Variants in TTLL10 observed in about 807,000 individuals in gnomAD.
The protein encoded by TTLL10 is tubulin tyrosine ligase like 10, also known as inactive polyglycylase TTLL10.
A neutral mutation model predicts 69.0 loss-of-function variants in TTLL10; 61 were observed. The observed-to-expected ratio is 0.88, with a 90% CI of 0.72 to 1.09. The LOEUF is 1.09. Among genes scored for constraint, TTLL10 ranks in the 50% least tolerant of loss-of-function variants. TTLL10 has a pLI of 0.00. For synonymous variants in TTLL10, 408 were observed against 393.3 expected (o/e 1.04, Z -0.44); for missense variants, 962 against 945.9 (o/e 1.02, Z -0.22).
rs959374200 is a variant in TTLL10, at chr1:1,182,796, G to T, written c.917-80G>T. The T allele has an allele frequency of 6.8e-6, 10 of 1,467,872 alleles. No individual in the cohort carries two copies. In the African/African-American group the frequency reaches 1.4e-4, roughly 21 times the overall value. The allele number at this position is 1,467,872 out of a possible 1,614,324, so 90.9% of individuals were successfully genotyped here. A position where few individuals can be genotyped will look rare whatever the true frequency, so the allele number is the denominator to read the frequency against. ...CCGGGCCGAGGGTCGCAGCCTGGAG[G>T]GGAGGGTCCTGGTCGGGCCCTAGGA... is the stretch of plus-strand genomic sequence containing the variant. On this transcript the variant is annotated intron_variant, in intron 10 of 15. Transcript: ENST00000379289.
At position 1,185,558 on chromosome 1, in the gene TTLL10, T is replaced by C; in HGVS notation, c.1401+449T>C. 2 of 995,378 alleles carry C rather than the reference T, an allele frequency of 2.0e-6. No individual in the cohort carries two copies. The highest frequency in any genetic ancestry group is 1.2e-6 in the Non-Finnish European group (1 of 837,020). The allele number at this position is 995,378 out of a possible 1,614,324, so 61.7% of individuals were successfully genotyped here. On this transcript the variant is annotated intron_variant, in intron 13 of 15. Coordinates refer to ENST00000379289, the MANE Select transcript of TTLL10 (RefSeq NM_001130045.2). The surrounding 1 kb of genome is among the most constrained non-coding windows in gnomAD (Gnocchi z 6.1). The stretch of plus-strand genomic sequence containing the variant: ...CCATGTGCGGTGGAGTGTCCTAATT[T>C]TGCAGGGTTCCTTTCTGTGGGGGTA...
chr1:1,180,298 C>T lies in TTLL10; in HGVS notation c.464C>T (p.Pro155Leu), dbSNP rs773106045. 18 of 1,587,542 alleles carry T rather than the reference C, an allele frequency of 1.1e-5. No homozygotes were observed. Among genetic ancestry groups the T allele is most frequent in the African/African-American group, 1.3e-5 (1 of 74,292 alleles). Reference protein sequence around the residue: ...GGKPSPHSTRPGPFFYIGGSN... With the variant: ...GGKPSPHSTRLGPFFYIGGSN... ...AAGCCATCGCCCCACAGCACCCGGC[C>T]GGGGCCCTTCTTCTACATTGGAGGC... is the stretch of plus-strand genomic sequence containing the variant. The change falls in exon 6 of 16, where the codon CCG (proline) becomes CTG (leucine). Residue 155 changes from proline to leucine, a missense_variant. By Grantham distance (98) the Pro-to-Leu change is moderately conservative (BLOSUM62 -3). Coordinates refer to ENST00000379289, the MANE Select transcript of TTLL10 (RefSeq NM_001130045.2).
Position 1,191,038 on chromosome 1 carries a change from C to T in TTLL10, c.1402-5562C>T, listed in dbSNP as rs1194468123. On this transcript the variant is annotated intron_variant, in intron 13 of 15. Coordinates refer to ENST00000379289, the MANE Select transcript of TTLL10 (RefSeq NM_001130045.2). The stretch of plus-strand genomic sequence containing the variant: ...GAGATGGGGGTTTCACCATGTTGGC[C>T]AGGCTGGTCTTGAACTCCTGACCTC... Among the ~76,000 whole-genome samples the T allele has an allele frequency of 2.6e-5, 4 of 152,104 alleles. No homozygotes were observed. The East Asian group carries it at 7.7e-4, about 29-fold the overall frequency.
At position 1,185,040 on chromosome 1, in the gene TTLL10, C is replaced by T. The variant is rs888275996; in HGVS notation, c.1332C>T (p.Asn444=). ...CGGTGTGGAGCATGGAACACCTCAA[C>T]CGCTACATCAGTGACACGTTCTGGA... ...EHTVWSMEHL[N]RYISDTFWKA... Residue 444 remains asparagine (N), a synonymous_variant, in exon 13 of 16, where the codon AAC becomes AAT. Transcript: ENST00000379289. This position sits in a 1 kb window ranked among gnomAD's most constrained non-coding sequence, Gnocchi z 6.1. 1.9e-6 allele frequency: 3 copies of T among 1,613,958 alleles called. No individual in the cohort carries two copies. Among genetic ancestry groups the T allele is most frequent in the Admixed American group, 1.7e-5 (1 of 59,988 alleles).
chr1:1,189,887 T>C (rs1307719900), intron 13 of TTLL10, among the ~76,000 whole-genome samples: 3 of 151,998 alleles, frequency 2.0e-5, no homozygotes, highest in African/African-American at 7.3e-5. Flanking sequence ...CCGAGGAAGG[T>C]GGATCATGAG....
At chr1:1,191,610 G>A (rs774276310) in intron 13 of TTLL10, among the ~76,000 whole-genome samples, 4 of 152,136 alleles carry the variant, frequency 2.6e-5, no homozygotes, top group Non-Finnish European at 5.9e-5. Flanking sequence ...AGACCAGCTC[G>A]GTCGGGGAGA....
chr1:1,185,350 C>T lies in TTLL10; in HGVS notation c.1401+241C>T. On this transcript the variant is annotated intron_variant, in intron 13 of 15. Coordinates refer to ENST00000379289, the MANE Select transcript of TTLL10 (RefSeq NM_001130045.2). This position sits in a 1 kb window ranked among gnomAD's most constrained non-coding sequence, Gnocchi z 6.1. Reference sequence around the variant, plus strand: ...CAGTCGGGGGTCTGTCGGCACGAGTCCCGCGGGCAGCCTCGCCGTAGGGTC... The same window carrying T: ...CAGTCGGGGGTCTGTCGGCACGAGTTCCGCGGGCAGCCTCGCCGTAGGGTC... 7.3e-7 allele frequency: 1 copy of T among 1,361,190 alleles called. No individual in the cohort carries two copies. Among genetic ancestry groups the T allele is most frequent in the Non-Finnish European group, 9.4e-7 (1 of 1,060,956 alleles). The allele number at this position is 1,361,190 out of a possible 1,614,324, so 84.3% of individuals were successfully genotyped here.
At chr1:1,191,734 T>C (rs1647799584) in intron 13 of TTLL10, among the ~76,000 whole-genome samples, 2 of 152,174 alleles carry the variant, frequency 1.3e-5, no homozygotes, top group East Asian at 3.9e-4. Context: ...GAACAGAGAT[T>C]TACCCACATA....
intron 13 of TTLL10, among the ~76,000 whole-genome samples, chr1:1,188,701 A>G (rs1647525891): frequency 6.6e-6 from 1 of 152,134 alleles, no homozygotes; most frequent in African/African-American, 2.4e-5. Context: ...CACCACACCC[A>G]GCCTCATCGA....
At chr1:1,197,935 AAC>A (rs142789284) in exon 16 of TTLL10, 71,356 of 1,303,950 alleles carry the variant, frequency 0.055, 2,884 homozygotes, top group African/African-American at 0.21. Flanking sequence ...CTTTGCTACA[AAC>A]ACAGTCTCTG....
intron 13 of TTLL10, among the ~76,000 whole-genome samples, chr1:1,191,917 T>G (rs1333764861): frequency 1.3e-5 from 2 of 152,280 alleles, no homozygotes; most frequent in Non-Finnish European, 2.9e-5. Flanking sequence ...GTTTGTGGCT[T>G]AAGAACGCCT....
intron 13 of TTLL10, among the ~76,000 whole-genome samples, chr1:1,195,151 T>C (rs1337617095): frequency 3.9e-5 from 6 of 152,132 alleles, no homozygotes; most frequent in African/African-American, 1.2e-4. Flanking sequence ...CCATCACATC[T>C]GGCTAATTTT....
chr1:1,177,287 T>G (rs1230819563), intron 3 of TTLL10, among the ~76,000 whole-genome samples: 10 of 152,098 alleles, frequency 6.6e-5, no homozygotes, highest in African/African-American at 2.4e-4. Flanking sequence ...TGTCTGTGCG[T>G]GTGTGTGTGT....
In TTLL10 at chr1:1,173,929, A is replaced by G. The variant is rs944631728; in HGVS notation, c.-131+3A>G. On this transcript the variant is annotated splice_donor_region_variant and intron_variant, in intron 1 of 15. Transcript: ENST00000379289. The surrounding 1 kb of genome is among the most constrained non-coding windows in gnomAD (Gnocchi z 4.1). ...CCAGGACCTTGTGGGCTGGGCAGGT[A>G]AGAAGCGCCGGCGGCCACCAGCTGG... 1 of 152,258 alleles carries G rather than the reference A, an allele frequency of 6.6e-6. No individual in the cohort carries two copies. The highest frequency in any genetic ancestry group is 1.5e-5 in the Non-Finnish European group (1 of 68,086). The allele number at this position is 152,258 out of a possible 1,614,324, so 9.4% of individuals were successfully genotyped here. A position where few individuals can be genotyped will look rare whatever the true frequency, so the allele number is the denominator to read the frequency against.
chr1:1,179,314 G>A lies in TTLL10; in HGVS notation c.99G>A (p.Arg33=), dbSNP rs1334189417. 1 of 1,551,268 alleles carries A rather than the reference G, an allele frequency of 6.4e-7. No homozygotes were observed. Among genetic ancestry groups the A allele is most frequent in the Non-Finnish European group, 8.7e-7 (1 of 1,146,872 alleles). ...KRGKRPRIQQ[R]PRARVSGTIP... is the part of the protein sequence containing the mutation. ...GCAAGAGGCCAAGGATCCAGCAGAG[G>A]CCTCGGGCTCGAGTCTCAGGTGAAT... Residue 33 remains arginine (R), a synonymous_variant, in exon 4 of 16, where the codon AGG becomes AGA. Coordinates refer to ENST00000379289, the MANE Select transcript of TTLL10 (RefSeq NM_001130045.2).
At position 1,185,460 on chromosome 1, in the gene TTLL10, A is replaced by G. The variant is rs1647250629; in HGVS notation, c.1401+351A>G. On this transcript the variant is annotated intron_variant, in intron 13 of 15. Transcript: ENST00000379289. The surrounding 1 kb of genome is among the most constrained non-coding windows in gnomAD (Gnocchi z 6.1). ...CCTCCACTTGGCAGGCAGGGCCAAC[A>G]GCAGCCCCCGGGCCAGGTGTCCTGG... 1 of 1,091,548 alleles carries G rather than the reference A, an allele frequency of 9.2e-7. No homozygotes were observed. The highest frequency in any genetic ancestry group is 1.1e-6 in the Non-Finnish European group (1 of 898,204). 67.6% of individuals were successfully genotyped at this position (1,091,548 alleles called of 1,614,324 possible). A position where few individuals can be genotyped will look rare whatever the true frequency, so the allele number is the denominator to read the frequency against.
intron 3 of TTLL10, chr1:1,175,450 C>A (rs1425854603): frequency 5.6e-6 from 2 of 356,472 alleles, no homozygotes; most frequent in Non-Finnish European, 5.5e-6. Flanking sequence ...CCACACGCTG[C>A]CCTGTCCATA....
Position 1,181,650 on chromosome 1 carries a change from T to A in TTLL10, c.756-91T>A. 1 of 1,226,132 alleles carries A rather than the reference T, an allele frequency of 8.2e-7. No homozygotes were observed. Among genetic ancestry groups the A allele is most frequent in the Admixed American group, 2.3e-5 (1 of 42,894 alleles). The allele number at this position is 1,226,132 out of a possible 1,614,324, so 76.0% of individuals were successfully genotyped here. A position where few individuals can be genotyped will look rare whatever the true frequency, so the allele number is the denominator to read the frequency against. On this transcript the variant is annotated intron_variant, in intron 8 of 15. Transcript: ENST00000379289. The surrounding 1 kb of genome is among the most constrained non-coding windows in gnomAD (Gnocchi z 4.6). ...CCACCACAACTCACAGTCCGCCCAC[T>A]CACCACCCATGCCCCATCCCCCAGT...
In TTLL10 at chr1:1,185,283, G is replaced by A. The variant is rs1647233555; in HGVS notation, c.1401+174G>A. On this transcript the variant is annotated intron_variant, in intron 13 of 15. Coordinates refer to ENST00000379289, the MANE Select transcript of TTLL10 (RefSeq NM_001130045.2). This position sits in a 1 kb window ranked among gnomAD's most constrained non-coding sequence, Gnocchi z 6.1. The stretch of plus-strand genomic sequence containing the variant: ...AGCGTCTCTGCTCACTTAGCTGGCA[G>A]TGCCTGTCCCCAGCAGCCAGCAAAG... 4 of 1,414,864 alleles carry A rather than the reference G, an allele frequency of 2.8e-6. No homozygotes were observed. In the African/African-American group the frequency reaches 5.8e-5, roughly 21 times the overall value. 87.6% of individuals were successfully genotyped at this position (1,414,864 alleles called of 1,614,324 possible). A position where few individuals can be genotyped will look rare whatever the true frequency, so the allele number is the denominator to read the frequency against.
Sources: allele counts gnomAD v4.1 joint callset (sites outside exome capture counted in the v4.1 genomes callset), GRCh38; gene constraint gnomAD v4.1.1; non-coding constraint Gnocchi (gnomAD v3.1); transcripts MANE v1.5; gene names NCBI Gene and HGNC (gene_info 2026-07-23, HGNC 2026-07-21).